Variants in SLC11A2 observed in about 807,000 individuals in gnomAD.
The protein encoded by SLC11A2 is natural resistance-associated macrophage protein 2.
Under a neutral mutation model 68.0 loss-of-function variants are expected in SLC11A2, and 38 were observed. The observed-to-expected ratio is 0.56, with a 90% confidence interval of 0.43 to 0.73. The LOEUF is 0.73. Ranked by LOEUF, SLC11A2 falls within the 30% of genes least tolerant of loss-of-function variation. SLC11A2 has a pLI of 0.00. For missense variants in SLC11A2, 517 were observed against 690.5 expected (o/e 0.75, Z 2.82); for synonymous variants, 242 against 250.6 (o/e 0.97, Z 0.32).
chr12:51,024,356 C>G (rs1944241282), intron 1 of SLC11A2: 4 of 152,200 alleles, frequency 2.6e-5, no homozygotes, highest in African/African-American at 7.2e-5. Context: ...TTCAACAACA[C>G]TCACCCAAAT....
chr12:50,998,295 G>T (rs1016869034), intron 8 of SLC11A2, among the ~76,000 whole-genome samples: 1 of 152,040 alleles, frequency 6.6e-6, no homozygotes, highest in African/African-American at 2.4e-5. Flanking sequence ...GGAGGCGGAG[G>T]CTGCAAGTGA....
chr12:50,992,993 A>T, intron 11 of SLC11A2, 64 bp from the exon 12 acceptor site: 1 of 1,598,014 alleles, frequency 6.3e-7, no homozygotes. Context: ...TATCCAAAAC[A>T]GCAGTTCCCT....
chr12:50,995,539 C>T (rs1941626123), intron 10 of SLC11A2, 90 bp downstream of exon 10: 2 of 1,262,382 alleles, frequency 1.6e-6, no homozygotes, highest in Admixed American at 1.7e-5. Context: ...TGAACATTAA[C>T]ACTAGGATGA....
At chr12:51,028,258 G>C, upstream of SLC11A2, 4 of 1,520,636 alleles carry the variant, frequency 2.6e-6, no homozygotes, top group Non-Finnish European at 2.6e-6. Flanking sequence ...CCCAATGCCA[G>C]CTCCTGCCTC....
At chr12:50,955,364 A>C in the SLC11A2 span, among the ~76,000 whole-genome samples, 17 of 152,220 alleles carry the variant, frequency 1.1e-4, no homozygotes, top group African/African-American at 3.9e-4. Flanking sequence ...TTCAACAAGT[A>C]TTATGTGTAT....
At chr12:50,974,515 G>A (rs569221928), downstream of SLC11A2, among the ~76,000 whole-genome samples, 31 of 152,242 alleles carry the variant, frequency 2.0e-4, no homozygotes, top group African/African-American at 7.2e-4. Context: ...GGAACAACTG[G>A]TACCAGCCAC....
the SLC11A2 span, among the ~76,000 whole-genome samples, chr12:50,965,588 G>A: frequency 6.6e-6 from 1 of 152,108 alleles, no homozygotes; most frequent in Non-Finnish European, 1.5e-5. Flanking sequence ...TGACCCACCA[G>A]GCTTGACTAT....
the SLC11A2 span, among the ~76,000 whole-genome samples, chr12:50,968,242 T>C: frequency 6.6e-6 from 1 of 152,170 alleles, no homozygotes; most frequent in Non-Finnish European, 1.5e-5. Flanking sequence ...TACTGGGGAC[T>C]GAAGTCAGTA....
chr12:50,968,522 G>A, the SLC11A2 span, among the ~76,000 whole-genome samples: 3 of 152,066 alleles, frequency 2.0e-5, no homozygotes, highest in African/African-American at 7.2e-5. Context: ...TAGCAGCTGG[G>A]ACTACAGGCG....
chr12:50,992,730 C>CAAAAAA (rs954460640), intron 12 of SLC11A2, 80 bp downstream of exon 12: 5 of 948,044 alleles, frequency 5.3e-6, no homozygotes, highest in South Asian at 1.6e-5. Flanking sequence ...GACTCCATCT[C>CAAAAAA]AAAAAAAAAA....
intron 1 of SLC11A2, among the ~76,000 whole-genome samples, chr12:51,024,178 C>T (rs1219647494): frequency 1.3e-5 from 2 of 152,148 alleles, no homozygotes; most frequent in African/African-American, 4.8e-5. Context: ...ATAGCCGCTT[C>T]TTTGAAGGGA....
At chr12:51,026,044 G>A (rs564965081) in intron 1 of SLC11A2, 2 of 1,092,098 alleles carry the variant, frequency 1.8e-6, no homozygotes, top group South Asian at 4.4e-5. Flanking sequence ...AGGCCGCGGC[G>A]GGGAAGGGGC....
At chr12:50,990,994 G>A (rs757644713) in intron 14 of SLC11A2, 46 bp from the exon 15 acceptor site, 4 of 1,575,010 alleles carry the variant, frequency 2.5e-6, no homozygotes, top group South Asian at 1.1e-5. Context: ...ATCCAACTTG[G>A]CCACAGACAG....
intron 2 of SLC11A2, chr12:51,009,200 TA>T: frequency 6.8e-7 from 1 of 1,471,014 alleles, no homozygotes; most frequent in South Asian, 1.4e-5. Flanking sequence ...CAGTTCAGGC[TA>T]AACTCTGAAG....
downstream of SLC11A2, among the ~76,000 whole-genome samples, chr12:50,974,727 GC>G (rs1939826625): frequency 1.3e-5 from 2 of 152,180 alleles, no homozygotes; most frequent in South Asian, 4.1e-4. Context: ...CCGTCAGTGT[GC>G]TATATTCAGG....
In SLC11A2 at chr12:50,995,775, T is replaced by C; in HGVS notation, c.844A>G (p.Asn282Asp). The C allele has an allele frequency of 5.0e-6, 8 of 1,614,184 alleles. No homozygotes were observed. Among genetic ancestry groups the C allele is most frequent in the Non-Finnish European group, 6.8e-6 (8 of 1,179,996 alleles). ...CGAACTTCCTGCTTATTGTTCCGGTTTACCTGTCTAGACTAGAAAGATAAC... is the reference window on the plus strand; with the variant it reads ...CGAACTTCCTGCTTATTGTTCCGGTCTACCTGTCTAGACTAGAAAGATAAC... ...HSALVKSRQV[N>D]RNNKQEVREA... The change falls in exon 10 of 16, where the codon AAC (asparagine) becomes GAC (aspartate). Residue 282 changes from asparagine to aspartate, a missense_variant. Transcript: ENST00000262052.
intron 3 of SLC11A2, chr12:51,005,695 G>GT (rs1415638814): frequency 1.5e-6 from 2 of 1,319,032 alleles, no homozygotes; most frequent in African/African-American, 3.0e-5. Context: ...CAGAATAACA[G>GT]TATCAGTACC....
rs202118935 is a variant in SLC11A2, at chr12:50,990,785, C to A, written c.1575+10G>T. 1.7e-5 allele frequency: 27 copies of A among 1,613,914 alleles called. No homozygotes were observed. The East Asian group carries it at 3.1e-4, about 19-fold the overall frequency. ...ATACCTATGCCCCTGCTCTTCCAGG[C>A]TAGACTTACCAAGTAGAACACAAAG... On this transcript the variant is annotated intron_variant, in intron 15 of 15. Coordinates refer to ENST00000262052, the MANE Select transcript of SLC11A2 (RefSeq NM_000617.3).
chr12:50,977,984 T>G (rs1311181427), downstream of SLC11A2, among the ~76,000 whole-genome samples: 4 of 152,092 alleles, frequency 2.6e-5, no homozygotes, highest in Non-Finnish European at 5.9e-5. Flanking sequence ...CATTAAAAAG[T>G]CAGGAAACAA....
Sources: allele counts gnomAD v4.1 joint callset (sites outside exome capture counted in the v4.1 genomes callset), GRCh38; gene constraint gnomAD v4.1.1; transcripts MANE v1.5; gene names NCBI Gene and HGNC (gene_info 2026-07-23, HGNC 2026-07-21).